Variants in PLCH1 observed in about 807,000 individuals in gnomAD.
PLCH1 encodes the protein 1-phosphatidylinositol 4,5-bisphosphate phosphodiesterase eta-1.
In PLCH1, 60 loss-of-function variants were observed where a neutral mutation model predicts 126.7. The ratio of observed to expected loss-of-function variants is 0.47; its 90% CI spans 0.38 to 0.59. The LOEUF is 0.59. PLCH1 is among the 20% of genes least tolerant of loss of function. PLCH1 has a pLI of 0.00. For synonymous variants in PLCH1, 719 were observed against 734.9 expected (o/e 0.98, Z 0.35); for missense variants, 1,723 against 2,040.0 (o/e 0.84, Z 2.99).
At position 155,716,579 on chromosome 3, in the gene PLCH1, G is replaced by A. The variant is rs137882844; in HGVS notation, c.-40-12315C>T. Among the ~76,000 whole-genome samples, 751 of 152,274 alleles carry A rather than the reference G, an allele frequency of 4.9e-3. 7 individuals carry two copies. The highest frequency in any genetic ancestry group is 0.017 in the African/African-American group (712 of 41,542). Reference sequence around the variant, plus strand: ...TCTGACATGGCAGGAGCAGGAGCAAGAGAATACGATGGGGGGTGCCACACT... The same window carrying A: ...TCTGACATGGCAGGAGCAGGAGCAAAAGAATACGATGGGGGGTGCCACACT... On this transcript the variant is annotated intron_variant, in intron 1 of 22. Transcript: ENST00000460012.
Position 155,688,743 on chromosome 3 carries a change from A to T in PLCH1, c.79+15403T>A, listed in dbSNP as rs551176664. ...GCCCTTGGACTTTAAGTGAACACAGACAGGGGCCTAGCAGAAAGCCCCCAT... is the reference window on the plus strand; with the variant it reads ...GCCCTTGGACTTTAAGTGAACACAGTCAGGGGCCTAGCAGAAAGCCCCCAT... On this transcript the variant is annotated intron_variant, in intron 2 of 22. Coordinates refer to ENST00000460012, the MANE Select transcript of PLCH1 (RefSeq NM_014996.4). 3.0e-4 allele frequency among the ~76,000 whole-genome samples: 45 copies of T among 152,276 alleles called. 2 individuals carry two copies. The highest frequency in any genetic ancestry group is 6.2e-4 in the South Asian group (3 of 4,824).
rs55661409 is a variant in PLCH1 at position 155,712,555 on chromosome 3, GA to G, written c.-40-8292del. ...CAGAATTATAATACTGTGCTAAAAA[GA>G]AAAAAAAAGGTAAATCTTTAAAAGA... On this transcript the variant is annotated intron_variant, in intron 1 of 22. Coordinates refer to ENST00000460012, the MANE Select transcript of PLCH1 (RefSeq NM_014996.4). Among the ~76,000 whole-genome samples the G allele has an allele frequency of 1.7e-4, 25 of 149,936 alleles. No homozygotes were observed. The East Asian group carries it at 4.5e-3, about 27-fold the overall frequency.
rs766596023 is a variant in PLCH1 at position 155,481,134 on chromosome 3, A to C, written c.4892T>G (p.Leu1631Arg). The C allele has an allele frequency of 6.2e-7, 1 of 1,614,072 alleles. No individual in the cohort carries two copies. The highest frequency in any genetic ancestry group is 1.3e-5 in the African/African-American group (1 of 74,948). The change falls in exon 23 of 23, where the codon CTG becomes CGG. Residue 1631 changes from leucine to arginine, a missense_variant. Coordinates refer to ENST00000460012, the MANE Select transcript of PLCH1 (RefSeq NM_014996.4). This position sits in a 1 kb window ranked among gnomAD's most constrained non-coding sequence, Gnocchi z 4.2. ...HSTGSYIAGY[L>R]KNTKGGGLEG... Reference sequence around the variant, plus strand: ...AAGGCCACCCCCTTTCGTGTTCTTCAGGTAGCCTGCGATGTAGGAGCCGGT... The same window carrying C: ...AAGGCCACCCCCTTTCGTGTTCTTCCGGTAGCCTGCGATGTAGGAGCCGGT...
At chr3:155,707,515 T>G (rs1325221144) in intron 1 of PLCH1, among the ~76,000 whole-genome samples, 1 of 151,862 alleles carries the variant, frequency 6.6e-6, no homozygotes, top group Admixed American at 6.6e-5. Flanking sequence ...AAGGCAAAAC[T>G]CCGTCTCTAC....
chr3:155,526,847 C>T (rs1306904454), intron 10 of PLCH1, among the ~76,000 whole-genome samples: 2 of 152,300 alleles, frequency 1.3e-5, no homozygotes. Context: ...GCAATAGATA[C>T]CTAACGTAAG....
intron 2 of PLCH1, among the ~76,000 whole-genome samples, chr3:155,612,423 C>T (rs62286139): frequency 6.6e-6 from 1 of 151,404 alleles, no homozygotes; most frequent in Non-Finnish European, 1.5e-5. Context: ...AAGGTCACAC[C>T]TCAAGGAACT....
At chr3:155,457,930 G>A (rs1712495886) in intron 21 of PLCH1, among the ~76,000 whole-genome samples, 1 of 152,100 alleles carries the variant, frequency 6.6e-6, no homozygotes, top group Non-Finnish European at 1.5e-5. Flanking sequence ...AAACTTCTGT[G>A]GCACTGCCAC....
At chr3:155,552,954 G>A (rs1430222554) in intron 9 of PLCH1, among the ~76,000 whole-genome samples, 2 of 152,126 alleles carry the variant, frequency 1.3e-5, no homozygotes, top group Non-Finnish European at 2.9e-5. Context: ...CTATTAATAA[G>A]AGGAAATGGA....
chr3:155,713,833 C>T (rs192672552), intron 1 of PLCH1, among the ~76,000 whole-genome samples: 1 of 152,286 alleles, frequency 6.6e-6, no homozygotes, highest in Non-Finnish European at 1.5e-5. Flanking sequence ...AATTTTAATA[C>T]TCAATATTCT....
At position 155,458,367 on chromosome 3, in the gene PLCH1, G is replaced by GAAGA. The variant is rs1471667031; in HGVS notation, c.2938+26985_2938+26988dup. On this transcript the variant is annotated intron_variant, in intron 21 of 21. Coordinates refer to the PLCH1 transcript ENST00000494598. ...AAAAAAAAAAAAAAAAAGAAAGAAA[G>GAAGA]AAGAAAGAAAGAAAGAAAGAAGGAA... Among the ~76,000 whole-genome samples the GAAGA allele has an allele frequency of 2.7e-4, 31 of 115,962 alleles. 2 individuals carry two copies. Among genetic ancestry groups the GAAGA allele is most frequent in the African/African-American group, 8.5e-4 (24 of 28,360 alleles). 76.1% of individuals were successfully genotyped at this position (115,962 alleles called of 152,430 possible).
At chr3:155,702,403 G>C (rs1303515248) in intron 2 of PLCH1, among the ~76,000 whole-genome samples, 1 of 152,092 alleles carries the variant, frequency 6.6e-6, no homozygotes, top group Non-Finnish European at 1.5e-5. Flanking sequence ...GTTGGAATTA[G>C]GCAGATCAGG....
chr3:155,615,176 T>C (rs1735636313), intron 2 of PLCH1, among the ~76,000 whole-genome samples: 1 of 152,066 alleles, frequency 6.6e-6, no homozygotes, highest in Non-Finnish European at 1.5e-5. Flanking sequence ...AACAAACATA[T>C]GAAAAAGTGC....
chr3:155,639,946 T>C (rs1454649336), intron 2 of PLCH1, among the ~76,000 whole-genome samples: 3 of 152,236 alleles, frequency 2.0e-5, no homozygotes, highest in Admixed American at 6.5e-5. Context: ...GCTCCAGCCA[T>C]GTAAGACATG....
intron 2 of PLCH1, among the ~76,000 whole-genome samples, chr3:155,633,112 G>A (rs931920999): frequency 5.3e-5 from 8 of 151,962 alleles, no homozygotes; most frequent in African/African-American, 1.7e-4. Context: ...GTCAGGAGAC[G>A]TTTTAGATCA....
chr3:155,682,664 C>T (rs190592883), intron 2 of PLCH1, among the ~76,000 whole-genome samples: 29 of 152,220 alleles, frequency 1.9e-4, no homozygotes, highest in Admixed American at 5.2e-4. Flanking sequence ...ATGAATGTGC[C>T]CAAGATCACA....
At chr3:155,687,569 A>C (rs2109030376) in intron 2 of PLCH1, among the ~76,000 whole-genome samples, 1 of 152,296 alleles carries the variant, frequency 6.6e-6, no homozygotes, top group East Asian at 1.9e-4. Context: ...TTTAGGAGAA[A>C]TGGTAAGGGA....
At chr3:155,692,830 C>T (rs922685779) in intron 2 of PLCH1, among the ~76,000 whole-genome samples, 8 of 152,004 alleles carry the variant, frequency 5.3e-5, no homozygotes, top group Admixed American at 5.2e-4. Context: ...CATCTCCGCT[C>T]ACTGCAAGCT....
intron 2 of PLCH1, among the ~76,000 whole-genome samples, chr3:155,692,274 A>G (rs1745445642): frequency 6.6e-6 from 1 of 152,180 alleles, no homozygotes; most frequent in Non-Finnish European, 1.5e-5. Context: ...TTCATGTACC[A>G]CTTTTGCCCA....
intron 2 of PLCH1, among the ~76,000 whole-genome samples, chr3:155,621,469 A>C (rs1736487721): frequency 6.6e-6 from 1 of 152,184 alleles, no homozygotes; most frequent in East Asian, 1.9e-4. Flanking sequence ...CCTCCAAGCT[A>C]AAGGAGCATG....
Sources: allele counts gnomAD v4.1 joint callset (sites outside exome capture counted in the v4.1 genomes callset), GRCh38; gene constraint gnomAD v4.1.1; non-coding constraint Gnocchi (gnomAD v3.1); transcripts MANE v1.5; gene names NCBI Gene and HGNC (gene_info 2026-07-23, HGNC 2026-07-21).